The following SREBF1 variants were observed in gnomAD, a reference collection of about 807,000 sequenced individuals.
SREBF1 encodes the protein sterol regulatory element binding transcription factor 1.
Under a neutral mutation model 100.1 loss-of-function variants are expected in SREBF1, and 45 were observed. The observed-to-expected ratio is 0.45, with a 90% CI of 0.35 to 0.58. The LOEUF (loss-of-function observed/expected upper bound fraction) is 0.58, where lower values mean the gene tolerates loss of function less well. SREBF1 is among the 20% of genes least tolerant of loss of function. The pLI is 0.00. For missense variants in SREBF1, 1,324 were observed against 1,539.4 expected (o/e 0.86, Z 2.34); for synonymous variants, 657 against 681.8 (o/e 0.96, Z 0.57).
intron 1 of SREBF1, chr17:17,820,843 C>T: frequency 2.3e-6 from 1 of 428,194 alleles, no homozygotes; most frequent in East Asian, 4.8e-5. Flanking sequence ...CCCAAGACTG[C>T]AGACTTCAGA....
At position 17,819,018 on chromosome 17, in the gene SREBF1, C is replaced by T. The variant is rs1378770415; in HGVS notation, c.1063G>A (p.Ala355Thr). 1.9e-6 allele frequency: 3 copies of T among 1,612,988 alleles called. No individual in the cohort carries two copies. Among genetic ancestry groups the T allele is most frequent in the Admixed American group, 3.3e-5 (2 of 60,014 alleles). ...CCCTGCAGGCCTCTCCACACCTTTG[C>T]CTCAGTGCCCACCACCAGATCCTTG... Reference protein sequence around the residue: ...ELKDLVVGTEAKLNKSAVLRK... With the variant: ...ELKDLVVGTETKLNKSAVLRK... The change falls in exon 5 of 19, where the codon GCA becomes ACA. Residue 355 changes from alanine to threonine, a missense_variant. Coordinates refer to ENST00000261646, the MANE Select transcript of SREBF1 (RefSeq NM_004176.5).
intron 1 of SREBF1, among the ~76,000 whole-genome samples, chr17:17,828,733 T>C (rs1430831709): frequency 1.3e-5 from 2 of 151,558 alleles, no homozygotes; most frequent in East Asian, 1.9e-4. Flanking sequence ...CTGGGCAATG[T>C]AGCAAGGCCC....
Position 17,820,315 on chromosome 17 carries a change from G to T in SREBF1, c.298C>A (p.Pro100Thr). 6.2e-7 allele frequency: 1 copy of T among 1,613,850 alleles called. No individual in the cohort carries two copies. Among genetic ancestry groups the T allele is most frequent in the South Asian group, 1.1e-5 (1 of 91,088 alleles). Residue 100 changes from proline (P) to threonine (T), a missense_variant, in exon 2 of 19, where the codon CCC becomes ACC. Physicochemically the swap from Pro to Thr is conservative, Grantham distance 38 (BLOSUM62 -1). Transcript: ENST00000261646. ...PQAAPSPLSP[P>T]QPAPTPLKMY... is the part of the protein sequence containing the mutation. ...TTCAATGGAGTGGGTGCAGGCTGGG[G>T]AGGGGACAGGGGTGAGGGCGCTGCC...
chr17:17,812,385 G>C lies in SREBF1; in HGVS notation c.*237C>G. ...GAGGGGGGCCCCCCAAAATGGCTCG[G>C]CCCCTGCAGTGCCCCGATCGGCCAC... On this transcript the variant is annotated 3_prime_UTR_variant, in exon 19 of 19. Coordinates refer to ENST00000261646, the MANE Select transcript of SREBF1 (RefSeq NM_004176.5). 1.7e-6 allele frequency: 1 copy of C among 599,970 alleles called. No homozygotes were observed. Among genetic ancestry groups the C allele is most frequent in the Non-Finnish European group, 2.9e-6 (1 of 343,652 alleles). The allele number at this position is 599,970 out of a possible 1,614,324, so 37.2% of individuals were successfully genotyped here.
In SREBF1 at chr17:17,818,520, C is replaced by T. The variant is rs764766415; in HGVS notation, c.1069-146G>A. ...TTGCACTTGTTCCTTCTACCTGAAC[C>T]GTTCCTCGCCTAGTAGCACCCACCT... On this transcript the variant is annotated intron_variant, in intron 5 of 18. Transcript: ENST00000261646. 5.2e-5 allele frequency: 35 copies of T among 675,142 alleles called. 1 individual carries two copies. The highest frequency in any genetic ancestry group is 7.8e-5 in the Non-Finnish European group (29 of 370,312). 41.8% of individuals were successfully genotyped at this position (675,142 alleles called of 1,614,324 possible). A position where few individuals can be genotyped will look rare whatever the true frequency, so the allele number is the denominator to read the frequency against.
intron 2 of SREBF1, 148 bp downstream of exon 2, chr17:17,819,942 T>C: frequency 1.7e-6 from 2 of 1,144,328 alleles, no homozygotes; most frequent in Non-Finnish European, 2.4e-6. Flanking sequence ...ACACCAGGAC[T>C]GCTAGTAACA....
chr17:17,814,833 A>C lies in SREBF1; in HGVS notation c.2602+2T>G. Reference sequence around the variant, plus strand: ...GAGCCAGGACAGGGGCCGGGGACTCACCGGTGGTGGTGGCCATGCTGGAAC... The same window carrying C: ...GAGCCAGGACAGGGGCCGGGGACTCCCCGGTGGTGGTGGCCATGCTGGAAC... On this transcript the variant is annotated splice_donor_variant, in intron 14 of 18. Coordinates refer to ENST00000261646, the MANE Select transcript of SREBF1 (RefSeq NM_004176.5). LOFTEE classifies it high-confidence loss of function. The C allele has an allele frequency of 6.3e-7, 1 of 1,598,164 alleles. No homozygotes were observed. Among genetic ancestry groups the C allele is most frequent in the Non-Finnish European group, 8.5e-7 (1 of 1,172,996 alleles).
intron 1 of SREBF1, among the ~76,000 whole-genome samples, chr17:17,834,543 G>A (rs12941068): frequency 0.19 from 29,049 of 152,316 alleles, 3,616 homozygotes; most frequent in Middle Eastern, 0.35. Flanking sequence ...TGCCTAGTGA[G>A]AAGGGGCTGC....
rs1397405048 is a variant in SREBF1, at chr17:17,813,800, A to G, written c.2902-31T>C. The G allele has an allele frequency of 2.6e-6, 4 of 1,534,144 alleles. No homozygotes were observed. The East Asian group carries it at 9.8e-5, about 38-fold the overall frequency. ...GGTGGCAGGCAGGGCAGGGGTCACC[A>G]GGGCTCCAGCTCTGGGAGGGGCAGG... On this transcript the variant is annotated intron_variant, in intron 16 of 18. Transcript: ENST00000261646.
Position 17,813,683 on chromosome 17 carries a change from T to TGCTGGG in SREBF1, c.2982_2987dup (p.Pro995_Ala996dup). 2 of 1,545,078 alleles carry TGCTGGG rather than the reference T, an allele frequency of 1.3e-6. No individual in the cohort carries two copies. Among genetic ancestry groups the TGCTGGG allele is most frequent in the South Asian group, 2.4e-5 (2 of 84,926 alleles). On this transcript the variant is annotated inframe_insertion, in exon 17 of 19. Transcript: ENST00000261646. Reference sequence around the variant, plus strand: ...GGGGCCTGCTGCTGGTGCCCTGGGCTGCTGGGGCCGGGGCCGGGGGCTGCT... The same window carrying TGCTGGG: ...GGGGCCTGCTGCTGGTGCCCTGGGCTGCTGGGGCTGGGGCCGGGGCCGGGGGCTGCT...
rs1386346629 is a variant in SREBF1 at position 17,823,373 on chromosome 17, G to C, written c.92-2852C>G. 4.1e-6 allele frequency: 3 copies of C among 732,288 alleles called. No individual in the cohort carries two copies. In the African/African-American group the frequency reaches 5.2e-5, roughly 13 times the overall value. The allele number at this position is 732,288 out of a possible 1,614,324, so 45.4% of individuals were successfully genotyped here. A position where few individuals can be genotyped will look rare whatever the true frequency, so the allele number is the denominator to read the frequency against. ...GGAGGTAGCCCTCCACTTCCCCAGCGAGCTGGTAACTGTCACACCTTCTCC... is the reference window on the plus strand; with the variant it reads ...GGAGGTAGCCCTCCACTTCCCCAGCCAGCTGGTAACTGTCACACCTTCTCC... On this transcript the variant is annotated intron_variant, in intron 1 of 18. Transcript: ENST00000261646.
At chr17:17,826,821 C>T (rs1372497617) in intron 1 of SREBF1, among the ~76,000 whole-genome samples, 1 of 152,204 alleles carries the variant, frequency 6.6e-6, no homozygotes, top group African/African-American at 2.4e-5. Flanking sequence ...CTGGGCAGGC[C>T]TCATGGCATG....
rs1201696007 is a variant in SREBF1, at chr17:17,817,448, C to T, written c.1414G>A (p.Glu472Lys). 6.3e-7 allele frequency: 1 copy of T among 1,581,304 alleles called. No individual in the cohort carries two copies. Among genetic ancestry groups the T allele is most frequent in the South Asian group, 1.1e-5 (1 of 87,112 alleles). ...CGGCTGTGCAGAGACGGCCGCTGCTCTGGCTTTGCCTGGTGGGGTTGGGCA... is the reference window on the plus strand; with the variant it reads ...CGGCTGTGCAGAGACGGCCGCTGCTTTGGCTTTGCCTGGTGGGGTTGGGCA... ...PVFEDSKAKP[E>K]QRPSLHSRGM... is the part of the protein sequence containing the mutation. The change falls in exon 8 of 19, where the codon GAG (glutamate) becomes AAG (lysine). Residue 472 changes from glutamate to lysine, a missense_variant. Glu to Lys is a moderately conservative substitution (Grantham distance 56). Coordinates refer to ENST00000261646, the MANE Select transcript of SREBF1 (RefSeq NM_004176.5). This position sits in a 1 kb window ranked among gnomAD's most constrained non-coding sequence, Gnocchi z 6.6.
chr17:17,812,499 G>T lies in SREBF1; in HGVS notation c.*123C>A. The T allele has an allele frequency of 2.0e-6, 2 of 1,022,808 alleles. No individual in the cohort carries two copies. Among genetic ancestry groups the T allele is most frequent in the Non-Finnish European group, 1.4e-6 (1 of 702,978 alleles). The allele number at this position is 1,022,808 out of a possible 1,614,324, so 63.4% of individuals were successfully genotyped here. A position where few individuals can be genotyped will look rare whatever the true frequency, so the allele number is the denominator to read the frequency against. The stretch of plus-strand genomic sequence containing the variant: ...CCGCGAAGGCACACAGCAGCCGCAG[G>T]TCGAACTGTGGAGGCCAGAGTCTCT... On this transcript the variant is annotated 3_prime_UTR_variant, in exon 19 of 19. Transcript: ENST00000261646.
rs376918339 is a variant in SREBF1, at chr17:17,812,751, G to A, written c.3315C>T (p.Pro1105=). 24 of 1,548,744 alleles carry A rather than the reference G, an allele frequency of 1.5e-5. No homozygotes were observed. The highest frequency in any genetic ancestry group is 3.7e-4 in the Middle Eastern group (2 of 5,374). ...CYLPPGFLSA[P]GQRVGMLAEA... The stretch of plus-strand genomic sequence containing the variant: ...CAGCCAGCATGCCCACGCGCTGCCC[G>A]GGCGCCGACAGGAAGCCGGGGGGCA... Residue 1105 remains proline (P), a synonymous_variant, in exon 19 of 19, where the codon CCC becomes CCT. Transcript: ENST00000261646.
intron 1 of SREBF1, among the ~76,000 whole-genome samples, chr17:17,826,257 G>A (rs1369960276): frequency 3.3e-5 from 5 of 152,018 alleles, no homozygotes; most frequent in Admixed American, 3.3e-4. Flanking sequence ...ATTCACGTTG[G>A]AGCTCCATTA....
chr17:17,830,555 G>C (rs1206764185), intron 1 of SREBF1, among the ~76,000 whole-genome samples: 1 of 152,254 alleles, frequency 6.6e-6, no homozygotes, highest in African/African-American at 2.4e-5. Flanking sequence ...AGGGAGCACA[G>C]GGACCCCAGA....
At position 17,819,153 on chromosome 17, in the gene SREBF1, C is replaced by G. The variant is rs1339613983; in HGVS notation, c.928G>C (p.Ala310Pro). Reference sequence around the variant, plus strand: ...GCAGAGGCCGGGGCCTTGCTGCCAGCTGCGAGCCGGTTGATAGGCAGCTTC... The same window carrying G: ...GCAGAGGCCGGGGCCTTGCTGCCAGGTGCGAGCCGGTTGATAGGCAGCTTC... ...AEKLPINRLA[A>P]GSKAPASAQS... The change falls in exon 5 of 19, where the codon GCT (alanine) becomes CCT (proline). Residue 310 changes from alanine (A) to proline (P), a missense_variant. By Grantham distance (27) the Ala-to-Pro change is conservative. Coordinates refer to ENST00000261646, the MANE Select transcript of SREBF1 (RefSeq NM_004176.5). 1.2e-6 allele frequency: 2 copies of G among 1,614,198 alleles called. No homozygotes were observed. Among genetic ancestry groups the G allele is most frequent in the Non-Finnish European group, 1.7e-6 (2 of 1,180,054 alleles).
chr17:17,823,406 AG>A, intron 1 of SREBF1: 1 of 850,968 alleles, frequency 1.2e-6, no homozygotes, highest in Non-Finnish European at 2.0e-6. Flanking sequence ...TCCCTCGGGA[AG>A]GGGCTCTTTC....
Sources: gnomAD v4.1 joint callset for allele counts (sites outside exome capture counted in the v4.1 genomes callset) on GRCh38, gnomAD v4.1.1 for gene constraint, Gnocchi (gnomAD v3.1) non-coding constraint, MANE v1.5 for transcripts, NCBI Gene and HGNC (gene_info 2026-07-23, HGNC 2026-07-21) for gene names.